The following UNC80 variants were observed in gnomAD, a reference collection of about 807,000 sequenced individuals.
UNC80 encodes protein unc-80 homolog.
UNC80 carries 164 observed loss-of-function variants against 384.6 expected under a neutral mutation model. The observed-to-expected ratio is 0.43, with a 90% CI of 0.38 to 0.49. The LOEUF is 0.49. UNC80 is among the 20% of genes least tolerant of loss of function. UNC80 has a pLI of 0.00. For missense variants in UNC80, 3,330 were observed against 4,143.0 expected, an observed-to-expected ratio of 0.80 and a Z score of 5.39; for synonymous variants, 1,486 against 1,527.8, an observed-to-expected ratio of 0.97 and a Z score of 0.64.
chr2:209,872,854 C>T lies in UNC80; in HGVS notation c.3724C>T (p.His1242Tyr). The T allele has an allele frequency of 6.4e-7, 1 of 1,551,500 alleles. No individual in the cohort carries two copies. Among genetic ancestry groups the T allele is most frequent in the Non-Finnish European group, 8.7e-7 (1 of 1,146,844 alleles). The change falls in exon 23 of 65, where the codon CAC (histidine) becomes TAC (tyrosine). Residue 1242 changes from histidine to tyrosine, a missense_variant. This residue lies in a region of UNC80 where 801 missense variants were observed against 950.8 expected (regional missense o/e 0.84). Coordinates refer to ENST00000673920, the MANE Select transcript of UNC80 (RefSeq NM_001371986.1). The surrounding 1 kb of genome is among the most constrained non-coding windows in gnomAD (Gnocchi z 4.1). ...RGNWPEWMKG[H>Y]HVNITKKGLS... ...CAACTGGCCAGAGTGGATGAAAGGG[C>T]ACCACGTGAACATCACCAAGAAAGG...
chr2:209,811,627 C>G (rs183423813), intron 7 of UNC80, among the ~76,000 whole-genome samples: 24 of 152,264 alleles, frequency 1.6e-4, no homozygotes, highest in African/African-American at 5.8e-4. Flanking sequence ...ATAGCATATA[C>G]GGGAATTTAG....
intron 18 of UNC80, 128 bp downstream of exon 18, chr2:209,835,138 A>G (rs1180777200): frequency 7.3e-6 from 5 of 684,298 alleles, no homozygotes; most frequent in Non-Finnish European, 1.2e-5. Context: ...TCTACCCTTT[A>G]CATTTCATTC....
At chr2:209,901,193 G>GA (rs1362667183) in intron 28 of UNC80, among the ~76,000 whole-genome samples, 2 of 152,200 alleles carry the variant, frequency 1.3e-5, no homozygotes, top group African/African-American at 4.8e-5. Context: ...TTCGTAGCTA[G>GA]AGAGAAGTCA....
chr2:209,812,660 C>G (rs1036201247), intron 7 of UNC80, among the ~76,000 whole-genome samples: 2 of 152,022 alleles, frequency 1.3e-5, no homozygotes, highest in Non-Finnish European at 2.9e-5. Context: ...ATCTTGGATC[C>G]CGGAAGTTCT....
intron 22 of UNC80, among the ~76,000 whole-genome samples, chr2:209,854,831 CT>C (rs1318276773): frequency 1.3e-5 from 2 of 152,138 alleles, no homozygotes; most frequent in Non-Finnish European, 2.9e-5. Context: ...AACAGGAATG[CT>C]TTTACGTTGT....
intron 47 of UNC80, among the ~76,000 whole-genome samples, chr2:209,948,566 C>T (rs965196014): frequency 6.6e-6 from 1 of 152,012 alleles, no homozygotes; most frequent in African/African-American, 2.4e-5. Context: ...TTAGTGTTTT[C>T]TATTTAATTA....
At chr2:209,944,221 A>G (rs2091798508) in intron 45 of UNC80, among the ~76,000 whole-genome samples, 1 of 152,244 alleles carries the variant, frequency 6.6e-6, no homozygotes, top group Non-Finnish European at 1.5e-5. Context: ...TATTCAATTC[A>G]TAAAAGAGAT....
intron 29 of UNC80, among the ~76,000 whole-genome samples, chr2:209,910,211 G>T (rs925111967): frequency 2.7e-5 from 4 of 150,396 alleles, no homozygotes; most frequent in Non-Finnish European, 5.9e-5. Context: ...ACAGATCCCT[G>T]CTTGATGTGT....
At chr2:209,835,521 A>G (rs144102149) in intron 18 of UNC80, among the ~76,000 whole-genome samples, 121 of 152,300 alleles carry the variant, frequency 7.9e-4, no homozygotes, top group African/African-American at 2.7e-3. Context: ...ACATCAGTTA[A>G]TCTACACTTT....
chr2:209,835,188 A>G (rs1314451132), intron 18 of UNC80, among the ~76,000 whole-genome samples, 178 bp downstream of exon 18: 1 of 152,164 alleles, frequency 6.6e-6, no homozygotes, highest in Admixed American at 6.5e-5. Flanking sequence ...ACAAATAACC[A>G]GTCTGTGCCT....
chr2:209,966,161 C>T (rs1159365154), intron 51 of UNC80, among the ~76,000 whole-genome samples: 1 of 152,146 alleles, frequency 6.6e-6, no homozygotes, highest in Non-Finnish European at 1.5e-5. Flanking sequence ...TGTACTGATT[C>T]AAGCCAAAGA....
intron 56 of UNC80, among the ~76,000 whole-genome samples, chr2:209,975,533 C>G (rs1482802711): frequency 6.6e-6 from 1 of 152,160 alleles, no homozygotes. Context: ...GAAAGATACC[C>G]TGCACGCATT....
At chr2:209,963,052 A>G (rs987722214) in intron 51 of UNC80, among the ~76,000 whole-genome samples, 3 of 152,384 alleles carry the variant, frequency 2.0e-5, no homozygotes, top group African/African-American at 7.2e-5. Context: ...AAGGCAATCT[A>G]TACTTCTGAA....
intron 33 of UNC80, among the ~76,000 whole-genome samples, chr2:209,920,108 G>T (rs972672684): frequency 2.6e-5 from 4 of 152,138 alleles, no homozygotes; most frequent in African/African-American, 9.7e-5. Flanking sequence ...GGTGGAGGTT[G>T]CAATGAGCTG....
intron 23 of UNC80, among the ~76,000 whole-genome samples, chr2:209,875,238 G>T (rs1181256381): frequency 1.3e-5 from 2 of 152,202 alleles, no homozygotes; most frequent in African/African-American, 4.8e-5. Context: ...GCAAATTAGA[G>T]TGTGTTTCTT....
intron 35 of UNC80, among the ~76,000 whole-genome samples, chr2:209,924,639 G>C (rs2090288201): frequency 6.6e-6 from 1 of 152,030 alleles, no homozygotes; most frequent in Admixed American, 6.6e-5. Context: ...AGATAACCAG[G>C]AATATGTCAG....
intron 21 of UNC80, among the ~76,000 whole-genome samples, chr2:209,849,144 A>C (rs555719261): frequency 1.6e-4 from 24 of 152,300 alleles, no homozygotes; most frequent in African/African-American, 5.5e-4. Context: ...AGGAAGAATA[A>C]TTTTAAATAC....
In UNC80 at chr2:209,777,564, G is replaced by A. The variant is rs116203254; in HGVS notation, c.600+5G>A. On this transcript the variant is annotated splice_donor_5th_base_variant and intron_variant, in intron 4 of 64. Coordinates refer to ENST00000673920, the MANE Select transcript of UNC80 (RefSeq NM_001371986.1). ...CCCCTGGTACACAGGATCAAGGTAA[G>A]CAGAAACCCAGTGTTAGAGCTGGAG... 2,227 of 1,598,946 alleles carry A rather than the reference G, an allele frequency of 1.4e-3. 28 individuals are homozygous for A. In the African/African-American group the frequency reaches 0.025, roughly 18 times the overall value.
chr2:209,910,044 G>A (rs562712261), intron 29 of UNC80, among the ~76,000 whole-genome samples: 1 of 150,440 alleles, frequency 6.6e-6, no homozygotes, highest in East Asian at 2.1e-4. Context: ...TGAACTGCAA[G>A]ATACACATAG....
Sources: allele counts gnomAD v4.1 joint callset (sites outside exome capture counted in the v4.1 genomes callset), GRCh38; gene constraint gnomAD v4.1.1; regional missense constraint gnomAD v4.1.1; non-coding constraint Gnocchi (gnomAD v3.1); transcripts MANE v1.5; gene names NCBI Gene and HGNC (gene_info 2026-07-23, HGNC 2026-07-21).